ZNF608: variants seen among roughly 807,000 people sequenced by gnomAD.
ZNF608 encodes renal carcinoma antigen NY-REN-36.
Under a neutral mutation model 109.0 loss-of-function variants are expected in ZNF608, and 12 were observed. That is an observed-to-expected ratio of 0.11 (90% confidence interval 0.07 to 0.18). The LOEUF (loss-of-function observed/expected upper bound fraction) is 0.18. Among genes scored for constraint, ZNF608 ranks in the 10% least tolerant of loss-of-function variants. The pLI is 1.00. For missense variants in ZNF608, 1,707 were observed against 1,879.3 expected, an observed-to-expected ratio of 0.91 and a Z score of 1.70; for synonymous variants, 732 against 717.4, an observed-to-expected ratio of 1.02 and a Z score of -0.33.
intron 5 of ZNF608, among the ~76,000 whole-genome samples, chr5:124,645,481 T>G (rs998822129): frequency 2.6e-5 from 4 of 152,068 alleles, no homozygotes; most frequent in African/African-American, 9.7e-5. Flanking sequence ...TGCAAAGTTG[T>G]GCCTAAGTAA....
intron 3 of ZNF608, among the ~76,000 whole-genome samples, chr5:124,663,000 A>G (rs886352250): frequency 2.6e-5 from 4 of 152,244 alleles, no homozygotes; most frequent in Admixed American, 2.0e-4. Flanking sequence ...GGGGATTAGT[A>G]TATAGGGCAG....
intron 3 of ZNF608, among the ~76,000 whole-genome samples, chr5:124,690,891 T>C (rs898771402): frequency 6.6e-6 from 1 of 150,866 alleles, no homozygotes; most frequent in Non-Finnish European, 1.5e-5. Context: ...AAGGTTAATA[T>C]CCAAAACAGG....
Position 124,677,082 on chromosome 5 carries a change from T to C in ZNF608, c.1162+23932A>G, listed in dbSNP as rs1751978063. Among the ~76,000 whole-genome samples the C allele has an allele frequency of 2.6e-5, 4 of 152,234 alleles. No homozygotes were observed. In the South Asian group the frequency reaches 8.3e-4, roughly 31 times the overall value. On this transcript the variant is annotated intron_variant, in intron 3 of 9. Coordinates refer to ENST00000513986, the MANE Select transcript of ZNF608 (RefSeq NM_020747.3). ...TATCTTATGCATATGTTTTAAAATATTATTTTGCATATATATTTAATGTTT... is the reference window on the plus strand; with the variant it reads ...TATCTTATGCATATGTTTTAAAATACTATTTTGCATATATATTTAATGTTT...
intron 2 of ZNF608, among the ~76,000 whole-genome samples, chr5:124,702,953 G>A (rs1753112995): frequency 2.0e-5 from 3 of 152,114 alleles, no homozygotes; most frequent in Admixed American, 2.0e-4. Flanking sequence ...GAACAAAGGG[G>A]TTCTGAGAGA....
rs34398324 is a variant in ZNF608, at chr5:124,637,092, T to TAAA, written c.*805_*807dup. 418 of 145,418 alleles carry TAAA rather than the reference T, an allele frequency of 2.9e-3. 2 individuals carry two copies. The highest frequency in any genetic ancestry group is 4.1e-3 in the Non-Finnish European group (271 of 66,686). The allele number at this position is 145,418 out of a possible 1,614,324, so 9.0% of individuals were successfully genotyped here. A position where few individuals can be genotyped will look rare whatever the true frequency, so the allele number is the denominator to read the frequency against. On this transcript the variant is annotated 3_prime_UTR_variant, in exon 10 of 10. Transcript: ENST00000513986. ...TCTAAAACTGGATAATTGTAAACAT[T>TAAA]AAAAAAAAAAAAAGACTGTAGAACT...
At chr5:124,713,837 G>C (rs1293664365) in intron 2 of ZNF608, among the ~76,000 whole-genome samples, 1 of 152,126 alleles carries the variant, frequency 6.6e-6, no homozygotes, top group Non-Finnish European at 1.5e-5. Flanking sequence ...AAAGGAAGTA[G>C]GGAGTGGACA....
chr5:124,660,929 C>T (rs530397934), intron 3 of ZNF608, among the ~76,000 whole-genome samples: 2 of 152,168 alleles, frequency 1.3e-5, no homozygotes, highest in East Asian at 3.9e-4. Flanking sequence ...GAAGCAAACT[C>T]AGTTATGCGC....
At chr5:124,701,901 A>T (rs1753067946) in intron 2 of ZNF608, among the ~76,000 whole-genome samples, 1 of 152,248 alleles carries the variant, frequency 6.6e-6, no homozygotes, top group Non-Finnish European at 1.5e-5. Flanking sequence ...AGATAAATGC[A>T]TGTGCCCAAC....
At chr5:124,747,014 C>T (rs1434116792), upstream of ZNF608, among the ~76,000 whole-genome samples, 1 of 151,852 alleles carries the variant, frequency 6.6e-6, no homozygotes, top group African/African-American at 2.4e-5. Context: ...TCTTCGAAAC[C>T]TAAAGGATGT....
chr5:124,745,124 C>T lies in ZNF608; in HGVS notation c.-135G>A. The T allele has an allele frequency of 1.4e-6, 2 of 1,443,934 alleles. No individual in the cohort carries two copies. The highest frequency in any genetic ancestry group is 2.9e-5 in the Admixed American group (1 of 35,016). The allele number at this position is 1,443,934 out of a possible 1,614,324, so 89.4% of individuals were successfully genotyped here. On this transcript the variant is annotated 5_prime_UTR_variant, in exon 2 of 10. Coordinates refer to ENST00000513986, the MANE Select transcript of ZNF608 (RefSeq NM_020747.3). Reference sequence around the variant, plus strand: ...AATCTTCCTCTTCTTTTTCCTGCCCCACGAATGTGTCCAGGGATTTTACAC... The same window carrying T: ...AATCTTCCTCTTCTTTTTCCTGCCCTACGAATGTGTCCAGGGATTTTACAC...
At chr5:124,735,364 T>TCCCGGCTGCACGCC (rs142171217) in intron 2 of ZNF608, among the ~76,000 whole-genome samples, 53,237 of 151,674 alleles carry the variant, frequency 0.35, 9,987 homozygotes, top group Middle Eastern at 0.5. Flanking sequence ...AAGGGCGCGT[T>TCCCGGCTGCACGCC]CCCGGCTGCA....
At chr5:124,746,724 C>T (rs926381482), upstream of ZNF608, 16 of 984,850 alleles carry the variant, frequency 1.6e-5, no homozygotes, top group Admixed American at 1.8e-4. Flanking sequence ...GGCTGGATTC[C>T]GCCTGTTAGT....
chr5:124,711,926 G>C (rs750007921), intron 2 of ZNF608, among the ~76,000 whole-genome samples: 1 of 152,162 alleles, frequency 6.6e-6, no homozygotes, highest in Non-Finnish European at 1.5e-5. Flanking sequence ...GTGGTAAAAA[G>C]CACACTGGAA....
intron 3 of ZNF608, among the ~76,000 whole-genome samples, chr5:124,663,587 G>A (rs190685100): frequency 4.6e-5 from 7 of 152,304 alleles, no homozygotes; most frequent in African/African-American, 1.7e-4. Flanking sequence ...GCTTTTGATT[G>A]AGAAATTTTC....
chr5:124,682,778 T>C (rs1170955262), intron 3 of ZNF608, among the ~76,000 whole-genome samples: 1 of 152,242 alleles, frequency 6.6e-6, no homozygotes, highest in Non-Finnish European at 1.5e-5. Context: ...AGAACATGAC[T>C]GTGCTGTAGT....
In ZNF608 at chr5:124,746,542, T is replaced by C. The variant is rs1749648513; in HGVS notation, c.-531A>G. 1 of 985,204 alleles carries C rather than the reference T, an allele frequency of 1.0e-6. No homozygotes were observed. Among genetic ancestry groups the C allele is most frequent in the Admixed American group, 6.2e-5 (1 of 16,254 alleles). 61.0% of individuals were successfully genotyped at this position (985,204 alleles called of 1,614,324 possible). On this transcript the variant is annotated 5_prime_UTR_variant, in exon 1 of 10. Coordinates refer to ENST00000513986, the MANE Select transcript of ZNF608 (RefSeq NM_020747.3). ...AAAACAGAGAGTTTAGAGAAAAAAG[T>C]TTTCCCAACTTCTCATTCCGCCTTC...
intron 3 of ZNF608, among the ~76,000 whole-genome samples, chr5:124,682,530 T>C (rs1246064862): frequency 6.6e-6 from 1 of 152,230 alleles, no homozygotes; most frequent in Non-Finnish European, 1.5e-5. Context: ...TTTATAGCTA[T>C]GAATAATGCC....
intron 3 of ZNF608, among the ~76,000 whole-genome samples, chr5:124,687,336 A>C (rs1752446329): frequency 1.3e-5 from 2 of 152,238 alleles, no homozygotes; most frequent in South Asian, 4.1e-4. Flanking sequence ...TTCTCCAGGC[A>C]AAAGTGTTTA....
chr5:124,728,474 A>G (rs1748722568), intron 2 of ZNF608, among the ~76,000 whole-genome samples: 1 of 152,186 alleles, frequency 6.6e-6, no homozygotes, highest in African/African-American at 2.4e-5. Context: ...AGACATGTAC[A>G]GTACTCACTC....
Sources: gnomAD v4.1 joint callset for allele counts (sites outside exome capture counted in the v4.1 genomes callset) on GRCh38, gnomAD v4.1.1 for gene constraint, MANE v1.5 for transcripts, NCBI Gene and HGNC (gene_info 2026-07-23, HGNC 2026-07-21) for gene names.